MAP4K4: variants seen among roughly 807,000 people sequenced by gnomAD.
MAP4K4 encodes the protein HPK/GCK-like kinase HGK.
In MAP4K4, 38 loss-of-function variants were observed where a neutral mutation model predicts 189.6. The ratio of observed to expected loss-of-function variants is 0.20; its 90% CI spans 0.15 to 0.26. MAP4K4 has a LOEUF of 0.26. Ranked by LOEUF, MAP4K4 falls within the 10% of genes least tolerant of loss-of-function variation. The pLI, the probability that MAP4K4 is intolerant of heterozygous loss-of-function variation, is 1.00. For missense variants in MAP4K4, 1,054 were observed against 1,726.9 expected, an observed-to-expected ratio of 0.61 and a Z score of 6.91; for synonymous variants, 610 against 624.3, an observed-to-expected ratio of 0.98 and a Z score of 0.34.
At chr2:101,809,606 T>A (rs1257078361) in intron 3 of MAP4K4, among the ~76,000 whole-genome samples, 1 of 152,270 alleles carries the variant, frequency 6.6e-6, no homozygotes, top group Non-Finnish European at 1.5e-5. Flanking sequence ...ACTTAAGTAC[T>A]ATTTGAAACC....
chr2:101,804,810 G>A (rs971271884), intron 3 of MAP4K4, among the ~76,000 whole-genome samples: 5 of 151,992 alleles, frequency 3.3e-5, no homozygotes, highest in Non-Finnish European at 5.9e-5. Flanking sequence ...GGCCGGGTGC[G>A]GTGGCTTACG....
At chr2:101,889,608 G>A (rs534714377) in intron 32 of MAP4K4, among the ~76,000 whole-genome samples, 149 of 152,208 alleles carry the variant, frequency 9.8e-4, no homozygotes, top group African/African-American at 3.4e-3. Flanking sequence ...AAGGGAGAAG[G>A]CATCGAGGGT....
chr2:101,779,791 G>T lies in MAP4K4; in HGVS notation c.124-10929G>T, dbSNP rs182113316. Among the ~76,000 whole-genome samples the T allele has an allele frequency of 1.3e-3, 192 of 150,170 alleles. 1 individual carries two copies. Among genetic ancestry groups the T allele is most frequent in the African/African-American group, 4.6e-3 (188 of 40,716 alleles). ...CCTCAAAAGAAAACTTGAAAGGTGG[G>T]GTTTCTCTTTCACCTCTCTTTTTTT... On this transcript the variant is annotated intron_variant, in intron 2 of 32. Coordinates refer to ENST00000324219, the Ensembl canonical transcript of MAP4K4.
At chr2:101,870,510 A>T in intron 23 of MAP4K4, 95 bp downstream of exon 23, 1 of 1,514,814 alleles carries the variant, frequency 6.6e-7, no homozygotes, top group South Asian at 1.3e-5. Context: ...CTCCATCATC[A>T]TCTGTTTTCA....
At chr2:101,840,866 G>A (rs961980922) in intron 10 of MAP4K4, among the ~76,000 whole-genome samples, 3 of 152,188 alleles carry the variant, frequency 2.0e-5, no homozygotes, top group African/African-American at 7.2e-5. Context: ...CATCATTGAT[G>A]TTCAGAATAA....
chr2:101,741,691 C>T (rs575739888), intron 2 of MAP4K4, among the ~76,000 whole-genome samples: 2 of 152,018 alleles, frequency 1.3e-5, no homozygotes, highest in East Asian at 1.9e-4. Context: ...GCAAAAAAGT[C>T]CTGAGGCTAA....
In MAP4K4 at chr2:101,864,098, A is replaced by AT. The variant is rs201606406; in HGVS notation, c.2097+56dup. 2,365 of 1,081,512 alleles carry AT rather than the reference A, an allele frequency of 2.2e-3. 19 individuals carry two copies. The African/African-American group carries it at 0.028, about 13-fold the overall frequency. 67.0% of individuals were successfully genotyped at this position (1,081,512 alleles called of 1,614,324 possible). A position where few individuals can be genotyped will look rare whatever the true frequency, so the allele number is the denominator to read the frequency against. ...GTGTGCTGCTTTTTTCCTTTTTGTT[A>AT]TTTTTTTTTAAAGATTATTTATTTT... On this transcript the variant is annotated intron_variant, in intron 17 of 32. Coordinates refer to ENST00000324219, the Ensembl canonical transcript of MAP4K4.
chr2:101,708,490 A>G (rs2043602866), intron 2 of MAP4K4, among the ~76,000 whole-genome samples: 1 of 152,190 alleles, frequency 6.6e-6, no homozygotes, highest in South Asian at 2.1e-4. Context: ...GGAATAAGGA[A>G]AGTGAGGCAG....
intron 3 of MAP4K4, among the ~76,000 whole-genome samples, chr2:101,815,459 T>A (rs1206596981): frequency 6.6e-6 from 1 of 152,218 alleles, no homozygotes; most frequent in Non-Finnish European, 1.5e-5. Context: ...TTGTTAAGTT[T>A]TTTTTAAATC....
At chr2:101,818,845 A>G (rs2095869024) in intron 3 of MAP4K4, among the ~76,000 whole-genome samples, 1 of 152,218 alleles carries the variant, frequency 6.6e-6, no homozygotes, top group South Asian at 2.1e-4. Flanking sequence ...CAAAATGCTA[A>G]TTGGCATCAG....
chr2:101,746,170 T>TAG (rs1277678658), intron 2 of MAP4K4, among the ~76,000 whole-genome samples: 1 of 152,064 alleles, frequency 6.6e-6, no homozygotes, highest in African/African-American at 2.4e-5. Flanking sequence ...TTACTTTTAG[T>TAG]AGAGACACGC....
chr2:101,772,509 T>C (rs927719056), intron 2 of MAP4K4, among the ~76,000 whole-genome samples: 2 of 152,210 alleles, frequency 1.3e-5, no homozygotes, highest in Non-Finnish European at 2.9e-5. Flanking sequence ...CTATTATGAC[T>C]CCCTTTCCAA....
Position 101,750,220 on chromosome 2 carries a change from T to C in MAP4K4, c.124-40500T>C, listed in dbSNP as rs1459050162. On this transcript the variant is annotated intron_variant, in intron 2 of 32. Transcript: ENST00000324219. ...AAAGACACATGCACACATATGTTTA[T>C]TGCGGCATTATTCACAATAGCAAAG... Among the ~76,000 whole-genome samples, 14 of 146,910 alleles carry C rather than the reference T, an allele frequency of 9.5e-5. No homozygotes were observed. In the East Asian group the frequency reaches 2.0e-3, roughly 21 times the overall value.
intron 5 of MAP4K4, among the ~76,000 whole-genome samples, chr2:101,828,944 A>C (rs1161293795): frequency 1.3e-5 from 2 of 152,242 alleles, no homozygotes; most frequent in Non-Finnish European, 1.5e-5. Context: ...TCCTTGGGAA[A>C]GAAAGATACT....
intron 1 of MAP4K4, 99 bp from the exon 2 acceptor site, chr2:101,698,374 C>T (rs2035806550): frequency 8.5e-7 from 1 of 1,170,988 alleles, no homozygotes; most frequent in Middle Eastern, 1.9e-4. Context: ...GCGAAGCCCA[C>T]CTCTTTTGTC....
intron 2 of MAP4K4, among the ~76,000 whole-genome samples, chr2:101,780,572 A>G (rs920584777): frequency 6.6e-6 from 1 of 152,200 alleles, no homozygotes; most frequent in African/African-American, 2.4e-5. Context: ...TTTGTGTATG[A>G]TGTCTTCTGA....
intron 2 of MAP4K4, among the ~76,000 whole-genome samples, chr2:101,715,455 T>TA (rs1226098826): frequency 1.3e-5 from 2 of 152,226 alleles, no homozygotes; most frequent in African/African-American, 4.8e-5. Flanking sequence ...AACTTTACTC[T>TA]AAAGTGCTAA....
intron 7 of MAP4K4, among the ~76,000 whole-genome samples, chr2:101,833,905 A>G (rs1465376017): frequency 6.6e-6 from 1 of 152,244 alleles, no homozygotes; most frequent in East Asian, 1.9e-4. Flanking sequence ...ATTAGGTTTT[A>G]TGAATTCAGT....
At chr2:101,843,274 A>G (rs1360738012) in intron 11 of MAP4K4, among the ~76,000 whole-genome samples, 1 of 152,164 alleles carries the variant, frequency 6.6e-6, no homozygotes, top group Non-Finnish European at 1.5e-5. Flanking sequence ...GATGAAGTGA[A>G]CAAAGGGAGG....
Sources: gnomAD v4.1 joint callset for allele counts (sites outside exome capture counted in the v4.1 genomes callset) on GRCh38, gnomAD v4.1.1 for gene constraint, MANE v1.5 for transcripts, NCBI Gene and HGNC (gene_info 2026-07-23, HGNC 2026-07-21) for gene names.